The following ZNF385D variants were observed in gnomAD, a reference collection of about 807,000 sequenced individuals.
ZNF385D encodes the protein zinc finger protein 659.
Under a neutral mutation model 35.8 loss-of-function variants are expected in ZNF385D, and 15 were observed. The observed-to-expected ratio is 0.42, with a 90% confidence interval of 0.28 to 0.64. The LOEUF is 0.64. Among genes scored for constraint, ZNF385D ranks in the 30% least tolerant of loss-of-function variants. The pLI, the probability that ZNF385D is intolerant of heterozygous loss-of-function variation, is 0.23. For missense variants in ZNF385D, 474 were observed against 494.6 expected (o/e 0.96, Z 0.39); for synonymous variants, 212 against 186.8 (o/e 1.13, Z -1.10).
At chr3:22,094,123 C>T (rs755808474) in intron 3 of ZNF385D, among the ~76,000 whole-genome samples, 5 of 151,830 alleles carry the variant, frequency 3.3e-5, no homozygotes, top group Non-Finnish European at 5.9e-5. Flanking sequence ...TTTAAAAATA[C>T]GTGTCATTGC....
At chr3:21,771,808 A>G (rs2071088869) in intron 3 of ZNF385D, among the ~76,000 whole-genome samples, 1 of 151,896 alleles carries the variant, frequency 6.6e-6, no homozygotes, top group Admixed American at 6.6e-5. Flanking sequence ...AAGATGGAGG[A>G]CTCACACTTA....
chr3:21,631,363 G>A (rs1295907096), intron 2 of ZNF385D, among the ~76,000 whole-genome samples: 3 of 150,274 alleles, frequency 2.0e-5, no homozygotes, highest in Non-Finnish European at 4.4e-5. Flanking sequence ...TCCTATATCC[G>A]ATATGATCAC....
intron 3 of ZNF385D, among the ~76,000 whole-genome samples, chr3:22,109,906 A>G (rs1276084936): frequency 6.6e-6 from 1 of 152,204 alleles, no homozygotes. Flanking sequence ...TCATCTGACA[A>G]ATATCCAGAA....
chr3:21,903,261 T>C (rs1026526405), intron 3 of ZNF385D, among the ~76,000 whole-genome samples: 2 of 152,142 alleles, frequency 1.3e-5, no homozygotes, highest in African/African-American at 4.8e-5. Context: ...TCAGGAGGCA[T>C]TTCCTTCTCT....
chr3:21,651,854 G>C (rs549275055), intron 2 of ZNF385D, among the ~76,000 whole-genome samples: 5 of 152,208 alleles, frequency 3.3e-5, no homozygotes, highest in African/African-American at 1.2e-4. Flanking sequence ...AATTTTGCAA[G>C]CTAGATCAAC....
intron 2 of ZNF385D, among the ~76,000 whole-genome samples, chr3:22,197,719 C>T (rs1375280976): frequency 6.6e-6 from 1 of 152,064 alleles, no homozygotes; most frequent in Admixed American, 6.6e-5. Flanking sequence ...TAGCAGCTTC[C>T]CTTCCCCTGC....
chr3:22,028,822 T>C (rs1194019518), intron 3 of ZNF385D, among the ~76,000 whole-genome samples: 2 of 152,126 alleles, frequency 1.3e-5, no homozygotes, highest in East Asian at 1.9e-4. Context: ...TTATAAAACA[T>C]TGGAATGGCC....
Position 21,419,844 on chromosome 3 carries a change from T to C in ZNF385D, c.*1370A>G, listed in dbSNP as rs927696077. The stretch of plus-strand genomic sequence containing the variant: ...TTATAACTTATTCTCTTAATCTTTC[T>C]AACATATATACAATATACATATATT... On this transcript the variant is annotated 3_prime_UTR_variant, in exon 8 of 8. Coordinates refer to ENST00000281523, the MANE Select transcript of ZNF385D (RefSeq NM_024697.3). 2.6e-4 allele frequency: 39 copies of C among 152,030 alleles called. No homozygotes were observed. Among genetic ancestry groups the C allele is most frequent in the Non-Finnish European group, 4.4e-4 (30 of 67,996 alleles). 9.4% of individuals were successfully genotyped at this position (152,030 alleles called of 1,614,324 possible). A position where few individuals can be genotyped will look rare whatever the true frequency, so the allele number is the denominator to read the frequency against.
intron 4 of ZNF385D, among the ~76,000 whole-genome samples, chr3:21,498,187 A>G (rs1233667081): frequency 3.9e-5 from 6 of 152,112 alleles, no homozygotes; most frequent in Admixed American, 6.6e-5. Context: ...GAAATTGGAT[A>G]TTTTCCTTAG....
intron 2 of ZNF385D, among the ~76,000 whole-genome samples, chr3:22,174,963 A>G (rs1252091688): frequency 6.6e-6 from 1 of 152,130 alleles, no homozygotes; most frequent in Non-Finnish European, 1.5e-5. Flanking sequence ...TGCTCAAAAA[A>G]ACTTATTCTG....
intron 4 of ZNF385D, among the ~76,000 whole-genome samples, chr3:21,466,401 C>T (rs1703519541): frequency 6.6e-6 from 1 of 152,134 alleles, no homozygotes; most frequent in Non-Finnish European, 1.5e-5. Context: ...TTGCCTTTAG[C>T]ATGGTTCATT....
At chr3:22,232,604 G>A (rs919731401) in intron 2 of ZNF385D, among the ~76,000 whole-genome samples, 2 of 151,992 alleles carry the variant, frequency 1.3e-5, no homozygotes, top group Admixed American at 6.6e-5. Flanking sequence ...TGTTCTCATT[G>A]TTCAGCTCCC....
At chr3:22,320,106 T>C (rs922413950) in intron 2 of ZNF385D, among the ~76,000 whole-genome samples, 1 of 151,880 alleles carries the variant, frequency 6.6e-6, no homozygotes, top group Non-Finnish European at 1.5e-5. Flanking sequence ...TGGAATCTGG[T>C]GCTCTATACA....
chr3:21,528,991 G>A (rs918157844), intron 3 of ZNF385D, among the ~76,000 whole-genome samples: 2 of 152,170 alleles, frequency 1.3e-5, no homozygotes, highest in African/African-American at 2.4e-5. Flanking sequence ...TCTTTAGAAA[G>A]ACTAGAGTAA....
intron 3 of ZNF385D, among the ~76,000 whole-genome samples, chr3:21,887,777 AATACTCTTGAG>A (rs1230877441): frequency 3.3e-5 from 5 of 152,090 alleles, no homozygotes; most frequent in Non-Finnish European, 5.9e-5. Context: ...ACACAGAAAA[AATACTCTTGAG>A]ATACCATCTT....
intron 2 of ZNF385D, among the ~76,000 whole-genome samples, chr3:22,274,456 A>G (rs1701326154): frequency 6.6e-6 from 1 of 151,996 alleles, no homozygotes; most frequent in Non-Finnish European, 1.5e-5. Context: ...ACTACTTAGA[A>G]TGTCCAGTAT....
intron 2 of ZNF385D, among the ~76,000 whole-genome samples, chr3:22,201,154 G>T (rs1296539721): frequency 6.6e-6 from 1 of 152,086 alleles, no homozygotes; most frequent in Non-Finnish European, 1.5e-5. Flanking sequence ...TTTAGAGACT[G>T]CAGTAAAGAC....
chr3:22,346,484 A>C (rs1695665174), intron 2 of ZNF385D, among the ~76,000 whole-genome samples: 1 of 152,190 alleles, frequency 6.6e-6, no homozygotes, highest in Non-Finnish European at 1.5e-5. Context: ...TCACTATTTC[A>C]TTTTATCCCA....
chr3:21,584,975 A>C (rs1433598865), intron 2 of ZNF385D, among the ~76,000 whole-genome samples: 1 of 151,224 alleles, frequency 6.6e-6, no homozygotes, highest in Admixed American at 6.6e-5. Flanking sequence ...GTATCTCTTT[A>C]AATTTAAGAA....
Sources: gnomAD v4.1 joint callset for allele counts (sites outside exome capture counted in the v4.1 genomes callset) on GRCh38, gnomAD v4.1.1 for gene constraint, MANE v1.5 for transcripts, NCBI Gene and HGNC (gene_info 2026-07-23, HGNC 2026-07-21) for gene names.